PTPRN2: variants seen among roughly 807,000 people sequenced by gnomAD.
PTPRN2 encodes receptor-type tyrosine-protein phosphatase N2.
Under a neutral mutation model 118.8 loss-of-function variants are expected in PTPRN2, and 74 were observed. The ratio of observed to expected loss-of-function variants is 0.62; its 90% CI spans 0.52 to 0.76. The LOEUF (loss-of-function observed/expected upper bound fraction) is 0.76, where lower values mean the gene tolerates loss of function less well. Among genes scored for constraint, PTPRN2 ranks in the 30% least tolerant of loss-of-function variants. The pLI, the probability that PTPRN2 is intolerant of heterozygous loss-of-function variation, is 0.00. For synonymous variants in PTPRN2, 641 were observed against 608.0 expected, an observed-to-expected ratio of 1.05 and a Z score of -0.80; for missense variants, 1,481 against 1,394.4, an observed-to-expected ratio of 1.06 and a Z score of -0.99.
intron 3 of PTPRN2, among the ~76,000 whole-genome samples, chr7:158,280,367 C>T (rs1017419751): frequency 3.3e-5 from 5 of 152,144 alleles, no homozygotes; most frequent in Admixed American, 1.3e-4. Context: ...TCGGTAAGGA[C>T]GCTGGCTTTG....
At chr7:157,966,875 G>A (rs771341967) in intron 11 of PTPRN2, among the ~76,000 whole-genome samples, 1 of 150,818 alleles carries the variant, frequency 6.6e-6, no homozygotes, top group Non-Finnish European at 1.5e-5. Context: ...CACCATCACT[G>A]TCATCACCAT....
rs752980795 is a variant in PTPRN2, at chr7:158,328,798, C to G, written c.164-11866G>C. Among the ~76,000 whole-genome samples, 9 of 147,320 alleles carry G rather than the reference C, an allele frequency of 6.1e-5. No homozygotes were observed. The South Asian group carries it at 6.5e-4, about 11-fold the overall frequency. ...ACTAGGAGCGGGGCCTCCATTCCCCCCCCCCCGCCACCCAGGGATCCCAGG... is the reference window on the plus strand; with the variant it reads ...ACTAGGAGCGGGGCCTCCATTCCCCGCCCCCCGCCACCCAGGGATCCCAGG... On this transcript the variant is annotated intron_variant, in intron 2 of 22. Coordinates refer to ENST00000389418, the MANE Select transcript of PTPRN2 (RefSeq NM_002847.5).
chr7:158,281,621 C>T (rs2151000086), intron 3 of PTPRN2, among the ~76,000 whole-genome samples: 1 of 152,318 alleles, frequency 6.6e-6, no homozygotes, highest in South Asian at 2.1e-4. Flanking sequence ...GCTGGCTTTG[C>T]ACCCCCCTCC....
At chr7:157,967,352 T>G (rs1323019968) in intron 11 of PTPRN2, among the ~76,000 whole-genome samples, 1 of 152,158 alleles carries the variant, frequency 6.6e-6, no homozygotes, top group East Asian at 1.9e-4. Context: ...AGGTTAGAAG[T>G]CCAGCCCGGG....
chr7:158,048,621 TACCACCATCACCATC>T (rs1426038824), intron 11 of PTPRN2, among the ~76,000 whole-genome samples: 4 of 149,722 alleles, frequency 2.7e-5, no homozygotes, highest in Non-Finnish European at 3.0e-5. Flanking sequence ...ACATCACCAC[TACCACCATCACCATC>T]ACCACCATCA....
chr7:158,450,855 G>A (rs181481974), intron 2 of PTPRN2, among the ~76,000 whole-genome samples: 4 of 152,314 alleles, frequency 2.6e-5, no homozygotes, highest in East Asian at 3.9e-4. Context: ...CTTCTGCTGC[G>A]TGGAGGGCAA....
intron 12 of PTPRN2, among the ~76,000 whole-genome samples, chr7:157,781,949 T>A (rs577645696): frequency 2.0e-5 from 3 of 152,244 alleles, no homozygotes; most frequent in Non-Finnish European, 4.4e-5. Context: ...GATGCCCATA[T>A]GCCTGAGAAG....
Position 157,609,579 on chromosome 7 carries a change from C to A in PTPRN2, c.2345-5504G>T, listed in dbSNP as rs1025659840. 6.6e-6 allele frequency among the ~76,000 whole-genome samples: 1 copy of A among 152,166 alleles called. No homozygotes were observed. Among genetic ancestry groups the A allele is most frequent in the African/African-American group, 2.4e-5 (1 of 41,430 alleles). On this transcript the variant is annotated intron_variant, in intron 15 of 22. Coordinates refer to ENST00000389418, the MANE Select transcript of PTPRN2 (RefSeq NM_002847.5). This position sits in a 1 kb window ranked among gnomAD's most constrained non-coding sequence, Gnocchi z 4.9. The stretch of plus-strand genomic sequence containing the variant: ...AAGGATGGAACGATTCACGTGGCCA[C>A]GGCCTCGTGGTCCACAGGGGAGCAC...
At chr7:158,255,171 C>G (rs1408645034) in intron 3 of PTPRN2, among the ~76,000 whole-genome samples, 1 of 152,202 alleles carries the variant, frequency 6.6e-6, no homozygotes, top group East Asian at 1.9e-4. Context: ...GGTTCTTTGG[C>G]TAAAGACCCA....
chr7:157,704,532 C>T lies in PTPRN2; in HGVS notation c.1789-21595G>A, dbSNP rs533837017. On this transcript the variant is annotated intron_variant, in intron 12 of 22. Transcript: ENST00000389418. ...ATGGAGGGCCTGAAGGTCCCACCCT[C>T]GGCTGGGCCCGCCCTGCCCCATGCT... Among the ~76,000 whole-genome samples the T allele has an allele frequency of 3.9e-4, 60 of 152,314 alleles. 1 individual carries two copies. Among genetic ancestry groups the T allele is most frequent in the African/African-American group, 1.4e-3 (57 of 41,568 alleles).
intron 11 of PTPRN2, among the ~76,000 whole-genome samples, chr7:158,041,058 A>C (rs1015564643): frequency 6.6e-6 from 1 of 152,188 alleles, no homozygotes; most frequent in Non-Finnish European, 1.5e-5. Flanking sequence ...GTGTTAAAAG[A>C]AGCTCTTCTG....
intron 1 of PTPRN2, among the ~76,000 whole-genome samples, chr7:158,541,027 T>G (rs1825959455): frequency 6.6e-6 from 1 of 152,178 alleles, no homozygotes; most frequent in African/African-American, 2.4e-5. Context: ...TCGGAGAGGT[T>G]AAGTGAGCTG....
intron 12 of PTPRN2, among the ~76,000 whole-genome samples, chr7:157,713,598 AC>A (rs1336471611): frequency 6.6e-6 from 1 of 152,216 alleles, no homozygotes; most frequent in African/African-American, 2.4e-5. Context: ...CCTCCCCGTC[AC>A]TGATACGGCC....
chr7:158,527,766 A>C (rs1419262802), intron 1 of PTPRN2, among the ~76,000 whole-genome samples: 1 of 152,094 alleles, frequency 6.6e-6, no homozygotes, highest in Non-Finnish European at 1.5e-5. Flanking sequence ...GTCTGTGTAC[A>C]TGGGGCTGGG....
chr7:158,268,533 C>T (rs1274381720), intron 3 of PTPRN2, among the ~76,000 whole-genome samples: 1 of 139,324 alleles, frequency 7.2e-6, no homozygotes, highest in African/African-American at 2.8e-5. Context: ...ATATCCCAGC[C>T]ACACGCACAC....
intron 1 of PTPRN2, among the ~76,000 whole-genome samples, chr7:158,576,177 A>C (rs1438814544): frequency 1.3e-5 from 2 of 152,130 alleles, no homozygotes; most frequent in African/African-American, 4.8e-5. Context: ...GGTCACTCAG[A>C]CAGAGCTGTG....
chr7:157,890,404 G>A (rs1796729507), intron 12 of PTPRN2, among the ~76,000 whole-genome samples: 1 of 152,188 alleles, frequency 6.6e-6, no homozygotes, highest in Non-Finnish European at 1.5e-5. Context: ...CACTTTGGGA[G>A]GCCAAGGCAG....
intron 2 of PTPRN2, among the ~76,000 whole-genome samples, chr7:158,394,940 C>A (rs930215486): frequency 9.2e-5 from 14 of 152,216 alleles, no homozygotes; most frequent in Non-Finnish European, 1.5e-4. Flanking sequence ...ACGCGTCAGC[C>A]AGAGAAAGCC....
At chr7:158,273,463 G>GACAGACGC (rs1563072681) in intron 3 of PTPRN2, among the ~76,000 whole-genome samples, 7 of 76,206 alleles carry the variant, frequency 9.2e-5, no homozygotes, top group African/African-American at 6.9e-4. Flanking sequence ...CGCAGACGCA[G>GACAGACGC]GGGGAGCCGC....
Sources: gnomAD v4.1 joint callset for allele counts (sites outside exome capture counted in the v4.1 genomes callset) on GRCh38, gnomAD v4.1.1 for gene constraint, Gnocchi (gnomAD v3.1) non-coding constraint, MANE v1.5 for transcripts, NCBI Gene and HGNC (gene_info 2026-07-23, HGNC 2026-07-21) for gene names.